Variants in TRAPPC13 observed in about 807,000 individuals in gnomAD.
The protein encoded by TRAPPC13 is REV7-interacting novel NHEJ regulator 1.
TRAPPC13 carries 39 observed loss-of-function variants against 54.0 expected under a neutral mutation model. The ratio of observed to expected loss-of-function variants is 0.72; its 90% CI spans 0.56 to 0.94. The LOEUF (loss-of-function observed/expected upper bound fraction) is 0.94. Ranked by LOEUF, TRAPPC13 falls within the 40% of genes least tolerant of loss-of-function variation. TRAPPC13 has a pLI of 0.00. For synonymous variants in TRAPPC13, 148 were observed against 167.7 expected (o/e 0.88, Z 0.91); for missense variants, 386 against 488.1 (o/e 0.79, Z 1.97).
intron 1 of TRAPPC13, among the ~76,000 whole-genome samples, chr5:65,626,490 G>T (rs765538529): frequency 5.9e-5 from 9 of 152,154 alleles, no homozygotes; most frequent in Non-Finnish European, 1.3e-4. Context: ...TGTAATCCCA[G>T]CAGTTTGGGA....
intron 9 of TRAPPC13, among the ~76,000 whole-genome samples, 158 bp from the exon 10 acceptor site, chr5:65,660,541 A>G (rs560551029): frequency 6.6e-6 from 1 of 152,232 alleles, no homozygotes; most frequent in Admixed American, 6.5e-5. Context: ...ATTGCAGTAT[A>G]CGTTCTTTTT....
intron 1 of TRAPPC13, chr5:65,629,777 G>T: frequency 1.3e-6 from 2 of 1,536,080 alleles, no homozygotes; most frequent in Non-Finnish European, 1.7e-6. Flanking sequence ...TTCTGAAGAG[G>T]CAGCTGAAGA....
chr5:65,662,053 C>T lies in TRAPPC13; in HGVS notation c.901C>T (p.Pro301Ser). 3.1e-6 allele frequency: 5 copies of T among 1,599,230 alleles called. No individual in the cohort carries two copies. The highest frequency in any genetic ancestry group is 4.3e-6 in the Non-Finnish European group (5 of 1,174,586). Reference protein sequence around the residue: ...LQTSQLQRMAPGYGDVRLSLE... With the variant: ...LQTSQLQRMASGYGDVRLSLE... ...ACTGTGTTGCTTGTTTTCTTAGGCT[C>T]CAGGTTATGGAGATGTTAGGTTGTC... The change falls in exon 11 of 13, where the codon CCA becomes TCA. Residue 301 changes from proline (P) to serine (S), a missense_variant. By Grantham distance (74) the Pro-to-Ser change is moderately conservative. Coordinates refer to ENST00000399438, the MANE Select transcript of TRAPPC13 (RefSeq NM_024941.4).
intron 11 of TRAPPC13, 69 bp from the exon 12 acceptor site, chr5:65,664,168 T>C (rs1756944070): frequency 6.7e-7 from 1 of 1,491,952 alleles, no homozygotes; most frequent in Non-Finnish European, 9.1e-7. Flanking sequence ...CTGTCACTAG[T>C]AGAAATATTG....
At chr5:65,636,781 G>A (rs1755765635) in intron 3 of TRAPPC13, among the ~76,000 whole-genome samples, 1 of 152,002 alleles carries the variant, frequency 6.6e-6, no homozygotes, top group African/African-American at 2.4e-5. Flanking sequence ...TTAATAATAA[G>A]GTAGAAGCCC....
chr5:65,635,275 T>A, intron 1 of TRAPPC13, 26 bp from the exon 2 acceptor site: 1 of 1,603,132 alleles, frequency 6.2e-7, no homozygotes, highest in Non-Finnish European at 8.5e-7. Flanking sequence ...TAATGTTTTG[T>A]TTTCTTTTAC....
intron 9 of TRAPPC13, among the ~76,000 whole-genome samples, chr5:65,658,849 T>A (rs1371022236): frequency 6.6e-6 from 1 of 151,966 alleles, no homozygotes; most frequent in Non-Finnish European, 1.5e-5. Flanking sequence ...CCTCCCAAGC[T>A]GCTGGGATTA....
chr5:65,635,586 T>C (rs1755716892), intron 2 of TRAPPC13, among the ~76,000 whole-genome samples: 1 of 152,228 alleles, frequency 6.6e-6, no homozygotes. Context: ...TATGGCAGTA[T>C]GAGACAGTTT....
rs140467258 is a variant in TRAPPC13 at position 65,632,224 on chromosome 5, A to G, written c.47-3077A>G. Among the ~76,000 whole-genome samples, 1,081 of 152,272 alleles carry G rather than the reference A, an allele frequency of 7.1e-3. 9 individuals are homozygous for G. Among genetic ancestry groups the G allele is most frequent in the African/African-American group, 0.025 (1,022 of 41,540 alleles). ...GGCTGCAGTCAGCCATGATCGTGCC[A>G]CTGTAGTCCAACCTGGGTAACAAAA... On this transcript the variant is annotated intron_variant, in intron 1 of 12. Coordinates refer to ENST00000399438, the MANE Select transcript of TRAPPC13 (RefSeq NM_024941.4).
chr5:65,660,691 C>A lies in TRAPPC13; in HGVS notation c.699-8C>A. On this transcript the variant is annotated splice_polypyrimidine_tract_variant and splice_region_variant and intron_variant, in intron 9 of 12. Transcript: ENST00000399438. Reference sequence around the variant, plus strand: ...AATTTTCTCCGTCTCTGTCTCCACCCCTCTCAGTGTGTCTACGTTTGGGTC... The same window carrying A: ...AATTTTCTCCGTCTCTGTCTCCACCACTCTCAGTGTGTCTACGTTTGGGTC... The A allele has an allele frequency of 6.4e-7, 1 of 1,574,690 alleles. No homozygotes were observed. Among genetic ancestry groups the A allele is most frequent in the South Asian group, 1.2e-5 (1 of 84,370 alleles).
At chr5:65,663,498 A>G (rs1176525770) in intron 11 of TRAPPC13, 1 of 152,212 alleles carries the variant, frequency 6.6e-6, no homozygotes, top group African/African-American at 2.4e-5. Context: ...TATAAAGTCA[A>G]TATGTCTAAA....
intron 1 of TRAPPC13, chr5:65,630,041 T>A: frequency 2.0e-6 from 3 of 1,536,022 alleles, no homozygotes; most frequent in Non-Finnish European, 2.6e-6. Context: ...GTCTAAAAAA[T>A]TGCAAGATAG....
chr5:65,651,024 C>T, intron 6 of TRAPPC13, 142 bp downstream of exon 6: 3 of 635,046 alleles, frequency 4.7e-6, no homozygotes, highest in Non-Finnish European at 8.4e-6. Context: ...ATATGACTAG[C>T]AGTCTAAACT....
At chr5:65,638,146 G>GT (rs796302200) in intron 4 of TRAPPC13, among the ~76,000 whole-genome samples, 4 of 150,922 alleles carry the variant, frequency 2.7e-5, no homozygotes, top group African/African-American at 9.7e-5. Context: ...AGAAAAAAAG[G>GT]TTTTTTTATA....
chr5:65,633,321 C>T (rs1364532598), intron 1 of TRAPPC13, among the ~76,000 whole-genome samples: 2 of 151,738 alleles, frequency 1.3e-5, no homozygotes, highest in African/African-American at 4.8e-5. Flanking sequence ...TGCTCTGTTG[C>T]CCAGGCTGGA....
chr5:65,664,677 A>G lies in TRAPPC13; in HGVS notation c.*66A>G. The G allele has an allele frequency of 8.6e-7, 1 of 1,156,582 alleles. No individual in the cohort carries two copies. Among genetic ancestry groups the G allele is most frequent in the Non-Finnish European group, 1.3e-6 (1 of 792,380 alleles). The allele number at this position is 1,156,582 out of a possible 1,614,324, so 71.6% of individuals were successfully genotyped here. On this transcript the variant is annotated 3_prime_UTR_variant, in exon 13 of 13. Transcript: ENST00000399438. The stretch of plus-strand genomic sequence containing the variant: ...AACTGCTCTTTTTGTTACCTTTGTA[A>G]AATGATGACGTCAACAACGAAGTAA...
In TRAPPC13 at chr5:65,652,709, G is replaced by A. The variant is rs1581228068; in HGVS notation, c.546+164G>A. The stretch of plus-strand genomic sequence containing the variant: ...TTAAAATTGAATAATTTTATTATAG[G>A]TCTCATAATCTTTTTCAGCTTACAT... On this transcript the variant is annotated intron_variant, in intron 7 of 12. Coordinates refer to ENST00000399438, the MANE Select transcript of TRAPPC13 (RefSeq NM_024941.4). 5.9e-6 allele frequency: 4 copies of A among 682,594 alleles called. No individual in the cohort carries two copies. In the East Asian group the frequency reaches 1.1e-4, roughly 19 times the overall value. The allele number at this position is 682,594 out of a possible 1,614,324, so 42.3% of individuals were successfully genotyped here. A position where few individuals can be genotyped will look rare whatever the true frequency, so the allele number is the denominator to read the frequency against.
chr5:65,647,634 A>G (rs1040730278), intron 5 of TRAPPC13, among the ~76,000 whole-genome samples: 2 of 151,974 alleles, frequency 1.3e-5, no homozygotes, highest in African/African-American at 4.8e-5. Flanking sequence ...CAAATTCTGT[A>G]TTCCTGCCTT....
rs1331077082 is a variant in TRAPPC13 at position 65,655,273 on chromosome 5, G to A, written c.547-363G>A. Among the ~76,000 whole-genome samples the A allele has an allele frequency of 2.6e-5, 4 of 152,274 alleles. No homozygotes were observed. In the South Asian group the frequency reaches 6.2e-4, roughly 24 times the overall value. On this transcript the variant is annotated intron_variant, in intron 7 of 12. Coordinates refer to ENST00000399438, the MANE Select transcript of TRAPPC13 (RefSeq NM_024941.4). ...ATATCTATTCTGAATGTGGAGGATA[G>A]TATATATTCATCCTAAATTATCTAT... is the stretch of plus-strand genomic sequence containing the variant.
Sources: gnomAD v4.1 joint callset for allele counts (sites outside exome capture counted in the v4.1 genomes callset) on GRCh38, gnomAD v4.1.1 for gene constraint, MANE v1.5 for transcripts, NCBI Gene and HGNC (gene_info 2026-07-23, HGNC 2026-07-21) for gene names.